ZNF221: variants seen among roughly 807,000 people sequenced by gnomAD.
The protein encoded by ZNF221 is zinc finger protein 221.
In ZNF221, 10 loss-of-function variants were observed where a neutral mutation model predicts 12.6. The observed-to-expected ratio is 0.79, with a 90% CI of 0.49 to 1.34. ZNF221 has a LOEUF of 1.34. ZNF221 is among the 40% of genes most tolerant of loss of function. The pLI is 0.00. For synonymous variants in ZNF221, 232 were observed against 244.0 expected (o/e 0.95, Z 0.46); for missense variants, 661 against 721.4 (o/e 0.92, Z 0.96).
chr19:43,965,913 A>G lies in ZNF221; in HGVS notation c.411A>G (p.Gln137=). The G allele has an allele frequency of 1.9e-6, 3 of 1,613,462 alleles. No individual in the cohort carries two copies. The highest frequency in any genetic ancestry group is 2.5e-6 in the Non-Finnish European group (3 of 1,179,526). ...TTGCAAGTGACCTAACCAGGTCTCA[A>G]AACTCCATAAGGAACAGCTCTCAGT... ...EQIASDLTRS[Q]NSIRNSSQFF... Residue 137 remains glutamine, a synonymous_variant, in exon 5 of 5, where the codon CAA becomes CAG. Transcript: ENST00000587682.
chr19:43,957,977 T>A (rs1974782388), intron 1 of ZNF221, among the ~76,000 whole-genome samples: 1 of 152,256 alleles, frequency 6.6e-6, no homozygotes, highest in African/African-American at 2.4e-5. Flanking sequence ...ACTGTAAGTT[T>A]ACATATCTGG....
In ZNF221 at chr19:43,967,592, C is replaced by A. The variant is rs1193967261; in HGVS notation, c.*236C>A. Reference sequence around the variant, plus strand: ...CTCCCAGGTTCACGCCATTCTCCTGCCTCAGCCTCCCGAGTAGCTGGGACT... The same window carrying A: ...CTCCCAGGTTCACGCCATTCTCCTGACTCAGCCTCCCGAGTAGCTGGGACT... On this transcript the variant is annotated 3_prime_UTR_variant, in exon 5 of 5. Coordinates refer to ENST00000587682, the MANE Select transcript of ZNF221 (RefSeq NM_001297588.2). 2.3e-6 allele frequency: 1 copy of A among 426,132 alleles called. No individual in the cohort carries two copies. Among genetic ancestry groups the A allele is most frequent in the Non-Finnish European group, 4.2e-6 (1 of 239,926 alleles). 26.4% of individuals were successfully genotyped at this position (426,132 alleles called of 1,614,324 possible).
intron 1 of ZNF221, among the ~76,000 whole-genome samples, chr19:43,959,590 G>C (rs1974811458): frequency 6.6e-6 from 1 of 152,118 alleles, no homozygotes; most frequent in South Asian, 2.1e-4. Flanking sequence ...AGATCTGGTT[G>C]TTTAAAAGAA....
rs540206246 is a variant in ZNF221 at position 43,957,570 on chromosome 19, A to G, written c.-2-5155A>G. Among the ~76,000 whole-genome samples the G allele has an allele frequency of 4.6e-5, 7 of 152,330 alleles. No homozygotes were observed. The South Asian group carries it at 1.5e-3, about 32-fold the overall frequency. ...ATCTAAAGATTTTCACCCTGTTGGA[A>G]TGAGTCCCATGACTCTCTCTCTTTC... On this transcript the variant is annotated intron_variant, in intron 1 of 4. Coordinates refer to ENST00000587682, the MANE Select transcript of ZNF221 (RefSeq NM_001297588.2).
the ZNF221 span, among the ~76,000 whole-genome samples, chr19:43,973,265 A>G: frequency 6.6e-6 from 1 of 152,198 alleles, no homozygotes; most frequent in Admixed American, 6.5e-5. Flanking sequence ...AATAAGAGCC[A>G]TAGATTTCAA....
At chr19:43,956,823 CTG>C (rs1000509019) in intron 1 of ZNF221, among the ~76,000 whole-genome samples, 8 of 152,100 alleles carry the variant, frequency 5.3e-5, no homozygotes, top group African/African-American at 1.9e-4. Flanking sequence ...CTTAATAAAA[CTG>C]TTAAAAGTAA....
intron 1 of ZNF221, chr19:43,960,436 T>C (rs993466389): frequency 3.3e-5 from 5 of 152,222 alleles, no homozygotes; most frequent in African/African-American, 1.2e-4. Flanking sequence ...AGGAGAGGAA[T>C]ACATGTCGGC....
At chr19:43,961,062 C>T (rs1599815692) in intron 1 of ZNF221, among the ~76,000 whole-genome samples, 2 of 152,306 alleles carry the variant, frequency 1.3e-5, no homozygotes, top group Middle Eastern at 6.8e-3. Context: ...CCTTGGGAGT[C>T]TATCTCTTAT....
intron 1 of ZNF221, among the ~76,000 whole-genome samples, chr19:43,959,043 A>G (rs921182787): frequency 6.6e-6 from 1 of 151,820 alleles, no homozygotes; most frequent in South Asian, 2.1e-4. Flanking sequence ...ACCGTCTGTA[A>G]TTGTTGCATC....
downstream of ZNF221, among the ~76,000 whole-genome samples, chr19:43,972,344 A>G (rs1050065042): frequency 2.0e-5 from 3 of 152,112 alleles, no homozygotes; most frequent in African/African-American, 7.2e-5. Flanking sequence ...TCTCAAGTTA[A>G]CAACATCACA....
the ZNF221 span, among the ~76,000 whole-genome samples, chr19:43,973,388 A>T: frequency 1.3e-5 from 2 of 152,118 alleles, no homozygotes; most frequent in African/African-American, 4.8e-5. Flanking sequence ...TCAACACAGT[A>T]TTGGAAGTTC....
At chr19:43,963,987 C>T (rs1258162524) in intron 2 of ZNF221, among the ~76,000 whole-genome samples, 1 of 151,980 alleles carries the variant, frequency 6.6e-6, no homozygotes, top group Non-Finnish European at 1.5e-5. Flanking sequence ...TTGACATTCT[C>T]ATTTTCATTT....
At chr19:43,980,115 A>G in the ZNF221 span, among the ~76,000 whole-genome samples, 1 of 152,254 alleles carries the variant, frequency 6.6e-6, no homozygotes, top group Admixed American at 6.5e-5. Flanking sequence ...AGGACAAGGC[A>G]TCAAATTCCA....
In ZNF221 at chr19:43,965,811, G is replaced by C; in HGVS notation, c.309G>C (p.Lys103Asn). ...AATTCTGTGTCTTTTTAGGAGGCAAGATCCAAATTGAGATGGAGACTGTTC... is the reference window on the plus strand; with the variant it reads ...AATTCTGTGTCTTTTTAGGAGGCAACATCCAAATTGAGATGGAGACTGTTC... ...TSQREGNSGG[K>N]IQIEMETVPE... The change falls in exon 5 of 5, where the codon AAG (lysine) becomes AAC (asparagine). Residue 103 changes from lysine (K) to asparagine (N), a missense_variant. Lys to Asn is a moderately conservative substitution (Grantham distance 94). Coordinates refer to ENST00000587682, the MANE Select transcript of ZNF221 (RefSeq NM_001297588.2). 2.5e-6 allele frequency: 4 copies of C among 1,586,156 alleles called. No individual in the cohort carries two copies. Among genetic ancestry groups the C allele is most frequent in the Non-Finnish European group, 3.4e-6 (4 of 1,165,866 alleles).
chr19:43,974,323 A>G, the ZNF221 span, among the ~76,000 whole-genome samples: 1 of 152,250 alleles, frequency 6.6e-6, no homozygotes, highest in Non-Finnish European at 1.5e-5. Flanking sequence ...ACCATCCAGG[A>G]CATAGGGACA....
downstream of ZNF221, among the ~76,000 whole-genome samples, chr19:43,968,508 A>G (rs1975025757): frequency 6.6e-6 from 1 of 152,254 alleles, no homozygotes. Context: ...ATCTTTTGAA[A>G]TATCAGAGAT....
intron 1 of ZNF221, among the ~76,000 whole-genome samples, chr19:43,961,624 G>A (rs1182533254): frequency 1.3e-5 from 2 of 151,556 alleles, no homozygotes; most frequent in Non-Finnish European, 3.0e-5. Flanking sequence ...GCTTTTTAAA[G>A]TTCTTGTAAC....
intron 3 of ZNF221, 29 bp from the exon 4 acceptor site, chr19:43,965,204 G>A (rs1213549351): frequency 1.9e-6 from 3 of 1,600,034 alleles, no homozygotes; most frequent in Admixed American, 1.7e-5. Flanking sequence ...CAATGGGTTG[G>A]AATTAAGCAT....
At chr19:43,954,996 A>G (rs192518141) in intron 1 of ZNF221, among the ~76,000 whole-genome samples, 29 of 152,134 alleles carry the variant, frequency 1.9e-4, no homozygotes, top group African/African-American at 5.8e-4. Flanking sequence ...TAGACAATCA[A>G]TGTTTTAATT....
Sources: gnomAD v4.1 joint callset for allele counts (sites outside exome capture counted in the v4.1 genomes callset) on GRCh38, gnomAD v4.1.1 for gene constraint, MANE v1.5 for transcripts, NCBI Gene and HGNC (gene_info 2026-07-23, HGNC 2026-07-21) for gene names.